The following FRK variants were observed in gnomAD, a reference collection of about 807,000 sequenced individuals.
The protein encoded by FRK is tyrosine-protein kinase FRK.
FRK carries 51 observed loss-of-function variants against 56.4 expected under a neutral mutation model. That is an observed-to-expected ratio of 0.90 (90% CI 0.72 to 1.14). FRK has a LOEUF of 1.14. Among genes scored for constraint, FRK ranks in the 50% most tolerant of loss-of-function variants. FRK has a pLI of 0.00. For missense variants in FRK, 570 were observed against 601.4 expected (o/e 0.95, Z 0.55); for synonymous variants, 245 against 217.9 (o/e 1.12, Z -1.10).
Position 116,060,293 on chromosome 6 carries a change from T to A in FRK, c.19A>T (p.Arg7Trp). 1 of 1,613,706 alleles carries A rather than the reference T, an allele frequency of 6.2e-7. No homozygotes were observed. Among genetic ancestry groups the A allele is most frequent in the East Asian group, 2.2e-5 (1 of 44,888 alleles). ...TAGGGTTCTAGGTACTCCCAGAGCC[T>A]CTGACAGATGTTGCTCATTGTGCCT... MSNICQ[R>W]LWEYLEPYLP... The change falls in exon 1 of 8, where the codon AGG becomes TGG. Residue 7 changes from arginine (R) to tryptophan (W), a missense_variant. Physicochemically the swap from Arg to Trp is moderately radical, Grantham distance 101. Coordinates refer to ENST00000606080, the MANE Select transcript of FRK (RefSeq NM_002031.3).
At chr6:116,030,324 A>G (rs1211823147) in intron 1 of FRK, among the ~76,000 whole-genome samples, 1 of 152,080 alleles carries the variant, frequency 6.6e-6, no homozygotes, top group East Asian at 1.9e-4. Context: ...TTGCCAACTT[A>G]CTTTGGGGAA....
intron 5 of FRK, among the ~76,000 whole-genome samples, chr6:115,955,439 T>A (rs928381809): frequency 4.6e-5 from 7 of 152,190 alleles, no homozygotes; most frequent in Non-Finnish European, 7.4e-5. Context: ...GTCCTGGGAA[T>A]AAGGCAAAAG....
At chr6:116,023,165 A>G (rs1349424144) in intron 1 of FRK, among the ~76,000 whole-genome samples, 2 of 152,232 alleles carry the variant, frequency 1.3e-5, no homozygotes, top group Non-Finnish European at 2.9e-5. Flanking sequence ...AATATTGGCA[A>G]AGATGTGGAG....
At position 115,932,731 on chromosome 6, in the gene FRK, C is replaced by T. The variant is rs1043060472; in HGVS notation, c.*9683G>A. ...CATATGCTTAACAAACCATGGAACA[C>T]CAGCTGGGCTCTGCTTCCTTCAGGA... is the stretch of plus-strand genomic sequence containing the variant. On this transcript the variant is annotated 3_prime_UTR_variant, in exon 8 of 8. Coordinates refer to ENST00000606080, the MANE Select transcript of FRK (RefSeq NM_002031.3). 1.3e-5 allele frequency: 2 copies of T among 152,180 alleles called. No homozygotes were observed. Among genetic ancestry groups the T allele is most frequent in the African/African-American group, 4.8e-5 (2 of 41,434 alleles). 9.4% of individuals were successfully genotyped at this position (152,180 alleles called of 1,614,324 possible). A position where few individuals can be genotyped will look rare whatever the true frequency, so the allele number is the denominator to read the frequency against.
intron 1 of FRK, among the ~76,000 whole-genome samples, chr6:116,015,162 ATCC>A (rs1332317091): frequency 6.6e-6 from 1 of 152,100 alleles, no homozygotes; most frequent in Admixed American, 6.6e-5. Flanking sequence ...TCTAATTATA[ATCC>A]CCATGTGTTG....
Position 116,060,275 on chromosome 6 carries a change from C to A in FRK, c.37G>T (p.Glu13Ter). Residue 13 changes from glutamate (E) to a stop codon, truncating the protein, a stop_gained, in exon 1 of 8, where the codon GAA becomes TAA. Coordinates refer to ENST00000606080, the MANE Select transcript of FRK (RefSeq NM_002031.3). LOFTEE classifies it high-confidence loss of function. The stretch of plus-strand genomic sequence containing the variant: ...GTGGACAAACAGGGGAGATAGGGTT[C>A]TAGGTACTCCCAGAGCCTCTGACAG... ...NICQRLWEYL[E>*]PYLPCLSTEA... 1 of 1,614,102 alleles carries A rather than the reference C, an allele frequency of 6.2e-7. No homozygotes were observed. The highest frequency in any genetic ancestry group is 8.5e-7 in the Non-Finnish European group (1 of 1,180,018).
At chr6:116,002,448 C>A (rs1728729625) in intron 2 of FRK, among the ~76,000 whole-genome samples, 1 of 152,102 alleles carries the variant, frequency 6.6e-6, no homozygotes, top group East Asian at 1.9e-4. Flanking sequence ...GAAATCCCGT[C>A]CCAACTGAAA....
chr6:115,976,986 T>C (rs1231124008), intron 2 of FRK, among the ~76,000 whole-genome samples: 1 of 152,164 alleles, frequency 6.6e-6, no homozygotes, highest in African/African-American at 2.4e-5. Flanking sequence ...AAGAAATTGC[T>C]ATTAATTCTG....
At chr6:115,996,789 A>C (rs1562277139) in intron 2 of FRK, among the ~76,000 whole-genome samples, 1 of 152,182 alleles carries the variant, frequency 6.6e-6, no homozygotes, top group Non-Finnish European at 1.5e-5. Flanking sequence ...GGAGTTTAAA[A>C]TCTAGTTTGA....
chr6:115,957,537 A>G (rs1355008510), intron 4 of FRK, among the ~76,000 whole-genome samples: 1 of 152,250 alleles, frequency 6.6e-6, no homozygotes, highest in Non-Finnish European at 1.5e-5. Context: ...ATGCTCAAAG[A>G]GACTACTACA....
intron 2 of FRK, among the ~76,000 whole-genome samples, chr6:115,989,231 C>A (rs775099500): frequency 2.0e-5 from 3 of 151,822 alleles, no homozygotes; most frequent in Non-Finnish European, 2.9e-5. Context: ...ATTTACAGAT[C>A]TTTTTATTTG....
chr6:115,973,283 T>C (rs1773875390), intron 2 of FRK, among the ~76,000 whole-genome samples: 1 of 152,106 alleles, frequency 6.6e-6, no homozygotes, highest in East Asian at 1.9e-4. Context: ...CTGGAAACCA[T>C]CATTCTCAGC....
At chr6:116,040,513 T>C (rs1776671330) in intron 1 of FRK, among the ~76,000 whole-genome samples, 1 of 152,154 alleles carries the variant, frequency 6.6e-6, no homozygotes, top group African/African-American at 2.4e-5. Flanking sequence ...AAAAATAGAA[T>C]TATGTTACAT....
intron 1 of FRK, among the ~76,000 whole-genome samples, chr6:116,053,222 A>G (rs911917328): frequency 1.3e-5 from 2 of 152,198 alleles, no homozygotes; most frequent in African/African-American, 4.8e-5. Context: ...GATCTAGTTG[A>G]AACATTCACC....
Position 115,942,347 on chromosome 6 carries a change from T to G in FRK, c.*67A>C. The G allele has an allele frequency of 7.7e-7, 1 of 1,292,738 alleles. No homozygotes were observed. Among genetic ancestry groups the G allele is most frequent in the Non-Finnish European group, 1.1e-6 (1 of 899,114 alleles). The allele number at this position is 1,292,738 out of a possible 1,614,324, so 80.1% of individuals were successfully genotyped here. A position where few individuals can be genotyped will look rare whatever the true frequency, so the allele number is the denominator to read the frequency against. On this transcript the variant is annotated 3_prime_UTR_variant, in exon 8 of 8. Transcript: ENST00000606080. ...CTGATTGTGCAGTTGGTTGATAACA[T>G]TGTATTTTGGAATGGATTATTTGAA...
At chr6:115,976,419 C>G (rs1773992874) in intron 2 of FRK, among the ~76,000 whole-genome samples, 1 of 152,058 alleles carries the variant, frequency 6.6e-6, no homozygotes, top group Non-Finnish European at 1.5e-5. Context: ...ATAACATAAA[C>G]ATAAAGTCAG....
intron 1 of FRK, among the ~76,000 whole-genome samples, chr6:116,057,134 A>C (rs1777430736): frequency 6.6e-6 from 1 of 152,312 alleles, no homozygotes; most frequent in Non-Finnish European, 1.5e-5. Context: ...GTTGCATTAA[A>C]CTGGTCTAAT....
intron 1 of FRK, among the ~76,000 whole-genome samples, chr6:116,056,143 T>G (rs1238180409): frequency 2.0e-5 from 3 of 151,844 alleles, no homozygotes; most frequent in Non-Finnish European, 2.9e-5. Flanking sequence ...AACACAAAAG[T>G]ATGTTAGACA....
At chr6:116,035,514 A>G (rs976371236) in intron 1 of FRK, among the ~76,000 whole-genome samples, 5 of 152,156 alleles carry the variant, frequency 3.3e-5, no homozygotes, top group African/African-American at 1.2e-4. Context: ...ACGTAATAAC[A>G]TTGAATGAAA....
Sources: gnomAD v4.1 joint callset for allele counts (sites outside exome capture counted in the v4.1 genomes callset) on GRCh38, gnomAD v4.1.1 for gene constraint, MANE v1.5 for transcripts, NCBI Gene and HGNC (gene_info 2026-07-23, HGNC 2026-07-21) for gene names.